The following CYP7B1 variants were observed in gnomAD, a reference collection of about 807,000 sequenced individuals.
The protein encoded by CYP7B1 is cytochrome P450 7B1.
In CYP7B1, 29 loss-of-function variants were observed where a neutral mutation model predicts 42.7. The observed-to-expected ratio is 0.68, with a 90% CI of 0.51 to 0.93. The LOEUF (loss-of-function observed/expected upper bound fraction) is 0.93, where lower values mean the gene tolerates loss of function less well. Among genes scored for constraint, CYP7B1 ranks in the 40% least tolerant of loss-of-function variants. The pLI is 0.00. For missense variants in CYP7B1, 655 were observed against 600.5 expected, an observed-to-expected ratio of 1.09 and a Z score of -0.95; for synonymous variants, 235 against 218.2, an observed-to-expected ratio of 1.08 and a Z score of -0.68.
intron 1 of CYP7B1, among the ~76,000 whole-genome samples, chr8:64,674,624 GA>G (rs1376963002): frequency 6.6e-6 from 1 of 152,068 alleles, no homozygotes; most frequent in Non-Finnish European, 1.5e-5. Flanking sequence ...AAAAGAATGG[GA>G]TATTTTCTTT....
chr8:64,755,678 T>C (rs1192153861), intron 1 of CYP7B1, among the ~76,000 whole-genome samples: 3 of 152,182 alleles, frequency 2.0e-5, no homozygotes, highest in African/African-American at 7.2e-5. Context: ...TAGTAAATGT[T>C]TTAAACTTGT....
intron 1 of CYP7B1, among the ~76,000 whole-genome samples, chr8:64,646,334 A>C (rs1805953698): frequency 6.6e-6 from 1 of 152,164 alleles, no homozygotes; most frequent in Non-Finnish European, 1.5e-5. Context: ...ATCTACAATG[A>C]ACTCAAACAA....
chr8:64,778,326 AG>A lies in CYP7B1; in HGVS notation c.122+20139del, dbSNP rs568175469. Among the ~76,000 whole-genome samples, 25 of 152,026 alleles carry A rather than the reference AG, an allele frequency of 1.6e-4. No individual in the cohort carries two copies. The South Asian group carries it at 5.2e-3, about 32-fold the overall frequency. ...GCATGCATGACTACAAAGAAATATA[AG>A]GACAAAGTTTTGCATTCTGTATTCA... is the stretch of plus-strand genomic sequence containing the variant. On this transcript the variant is annotated intron_variant, in intron 1 of 5. Coordinates refer to ENST00000310193, the MANE Select transcript of CYP7B1 (RefSeq NM_004820.5).
In CYP7B1 at chr8:64,620,378, G is replaced by A. The variant is rs142710934; in HGVS notation, c.259+4025C>T. Among the ~76,000 whole-genome samples, 3 of 152,262 alleles carry A rather than the reference G, an allele frequency of 2.0e-5. No individual in the cohort carries two copies. The East Asian group carries it at 5.8e-4, about 29-fold the overall frequency. Reference sequence around the variant, plus strand: ...TACATATCCCCCCGCTTATTAGGAAGATTTCACTAGCTGCTGACAATGATG... The same window carrying A: ...TACATATCCCCCCGCTTATTAGGAAAATTTCACTAGCTGCTGACAATGATG... On this transcript the variant is annotated intron_variant, in intron 2 of 5. Coordinates refer to ENST00000310193, the MANE Select transcript of CYP7B1 (RefSeq NM_004820.5).
intron 1 of CYP7B1, among the ~76,000 whole-genome samples, chr8:64,737,285 C>G (rs772095303): frequency 1.3e-5 from 2 of 152,082 alleles, no homozygotes; most frequent in African/African-American, 4.8e-5. Context: ...AAGATTATCC[C>G]TCAATATAAA....
intron 1 of CYP7B1, among the ~76,000 whole-genome samples, chr8:64,645,302 T>C (rs981718921): frequency 3.4e-4 from 51 of 152,006 alleles, no homozygotes; most frequent in African/African-American, 1.2e-3. Context: ...GGTCAAATGG[T>C]ATTTCTAGTT....
At chr8:64,724,955 A>T (rs944722843) in intron 1 of CYP7B1, among the ~76,000 whole-genome samples, 3 of 152,190 alleles carry the variant, frequency 2.0e-5, no homozygotes, top group Non-Finnish European at 4.4e-5. Context: ...AAATTCTCTG[A>T]CCTAACCTTG....
intron 1 of CYP7B1, among the ~76,000 whole-genome samples, chr8:64,684,129 C>T (rs758517988): frequency 1.3e-5 from 2 of 152,150 alleles, no homozygotes; most frequent in African/African-American, 4.8e-5. Flanking sequence ...GCTCTGACCA[C>T]GAAAGTGGGT....
chr8:64,691,486 G>GGA (rs1554532289), intron 1 of CYP7B1, among the ~76,000 whole-genome samples: 4 of 149,584 alleles, frequency 2.7e-5, no homozygotes, highest in Admixed American at 6.6e-5. Context: ...GGCAACTGGG[G>GGA]GGGGGGGGTG....
Position 64,742,426 on chromosome 8 carries a change from T to C in CYP7B1, c.122+56040A>G, listed in dbSNP as rs140319455. On this transcript the variant is annotated intron_variant, in intron 1 of 5. Coordinates refer to ENST00000310193, the MANE Select transcript of CYP7B1 (RefSeq NM_004820.5). Reference sequence around the variant, plus strand: ...AATTTTGCAAAACTTTCTGTTTTGATGGATTTATTAATAAGAAAAAAAAGA... The same window carrying C: ...AATTTTGCAAAACTTTCTGTTTTGACGGATTTATTAATAAGAAAAAAAAGA... 4.5e-3 allele frequency among the ~76,000 whole-genome samples: 682 copies of C among 152,290 alleles called. 5 individuals carry two copies. The highest frequency in any genetic ancestry group is 4.6e-3 in the Non-Finnish European group (316 of 68,028).
At chr8:64,779,205 T>C (rs1185167910) in intron 1 of CYP7B1, among the ~76,000 whole-genome samples, 1 of 152,140 alleles carries the variant, frequency 6.6e-6, no homozygotes, top group East Asian at 1.9e-4. Flanking sequence ...ACTTAAGAAG[T>C]TAAGTTTGAA....
In CYP7B1 at chr8:64,594,113, G is replaced by C. The variant is rs994676870; in HGVS notation, c.*2529C>G. Among the ~76,000 whole-genome samples the C allele has an allele frequency of 6.6e-6, 1 of 152,086 alleles. No individual in the cohort carries two copies. The highest frequency in any genetic ancestry group is 1.5e-5 in the Non-Finnish European group (1 of 68,010). ...TCATGGACTAAATGTGTGTATGTGG[G>C]GGGTGGGTGGTGGGGCTTGGGGACA... is the stretch of plus-strand genomic sequence containing the variant. On this transcript the variant is annotated 3_prime_UTR_variant, in exon 6 of 6. Coordinates refer to ENST00000310193, the MANE Select transcript of CYP7B1 (RefSeq NM_004820.5).
intron 1 of CYP7B1, among the ~76,000 whole-genome samples, chr8:64,794,016 G>A (rs1315127551): frequency 1.3e-5 from 2 of 151,492 alleles, no homozygotes; most frequent in East Asian, 1.9e-4. Context: ...GGCAAAAGAA[G>A]GCAGATATCA....
Position 64,596,943 on chromosome 8 carries a change from T to G in CYP7B1, c.1234-14A>C, listed in dbSNP as rs775984472. 1 of 1,594,414 alleles carries G rather than the reference T, an allele frequency of 6.3e-7. No individual in the cohort carries two copies. Among genetic ancestry groups the G allele is most frequent in the African/African-American group, 1.3e-5 (1 of 74,232 alleles). ...ATATCTAAACTCCTGTAAGGAAGAA[T>G]AGTGTTAAAATTAACATTTTATATG... On this transcript the variant is annotated splice_polypyrimidine_tract_variant and intron_variant, in intron 5 of 5. Transcript: ENST00000310193.
At chr8:64,785,012 G>A (rs1388439070) in intron 1 of CYP7B1, among the ~76,000 whole-genome samples, 3 of 152,096 alleles carry the variant, frequency 2.0e-5, no homozygotes, top group Admixed American at 2.0e-4. Context: ...ACAATTCAAT[G>A]ATAAGAAAAC....
chr8:64,758,077 C>T (rs1807832741), intron 1 of CYP7B1, among the ~76,000 whole-genome samples: 1 of 152,194 alleles, frequency 6.6e-6, no homozygotes, highest in Admixed American at 6.5e-5. Context: ...CAAGCCTCTG[C>T]TTCAGGCTCA....
At chr8:64,672,254 C>G (rs1255388161) in intron 1 of CYP7B1, among the ~76,000 whole-genome samples, 1 of 152,096 alleles carries the variant, frequency 6.6e-6, no homozygotes, top group Non-Finnish European at 1.5e-5. Flanking sequence ...ATTACACCAA[C>G]CTGGAACTGG....
intron 1 of CYP7B1, among the ~76,000 whole-genome samples, chr8:64,754,015 A>C (rs1807770347): frequency 6.6e-6 from 1 of 152,074 alleles, no homozygotes; most frequent in African/African-American, 2.4e-5. Flanking sequence ...CAAAGAGGCC[A>C]GTGTGGTTGG....
At chr8:64,656,825 C>T (rs1806127159) in intron 1 of CYP7B1, among the ~76,000 whole-genome samples, 2 of 152,092 alleles carry the variant, frequency 1.3e-5, no homozygotes, top group African/African-American at 4.8e-5. Flanking sequence ...TGATGTTACA[C>T]CTGCGATGTG....
Sources: allele counts gnomAD v4.1 joint callset (sites outside exome capture counted in the v4.1 genomes callset), GRCh38; gene constraint gnomAD v4.1.1; transcripts MANE v1.5; gene names NCBI Gene and HGNC (gene_info 2026-07-23, HGNC 2026-07-21).